The following AUTS2 variants were observed in gnomAD, a reference collection of about 807,000 sequenced individuals.
AUTS2 encodes the protein activator of transcription and developmental regulator AUTS2, also known as autism susceptibility gene 2 protein.
In AUTS2, 17 loss-of-function variants were observed where a neutral mutation model predicts 112.4. That is an observed-to-expected ratio of 0.15 (90% CI 0.10 to 0.23). AUTS2 has a LOEUF of 0.23. AUTS2 is among the 10% of genes least tolerant of loss of function. AUTS2 has a pLI of 1.00. For synonymous variants in AUTS2, 751 were observed against 702.7 expected (o/e 1.07, Z -1.09); for missense variants, 1,510 against 1,701.6 (o/e 0.89, Z 1.98).
chr7:70,219,686 C>T (rs966019150), intron 4 of AUTS2, among the ~76,000 whole-genome samples: 10 of 151,754 alleles, frequency 6.6e-5, no homozygotes, highest in Admixed American at 1.3e-4. Flanking sequence ...ATTCTCCTAC[C>T]GCAGCCTCTC....
At chr7:70,611,238 A>G (rs927813748) in intron 5 of AUTS2, among the ~76,000 whole-genome samples, 5 of 152,188 alleles carry the variant, frequency 3.3e-5, no homozygotes, top group Non-Finnish European at 4.4e-5. Flanking sequence ...TCCCTTCCCC[A>G]TTAGCCAGTG....
chr7:70,734,935 A>G (rs1398698445), intron 6 of AUTS2, among the ~76,000 whole-genome samples: 1 of 152,118 alleles, frequency 6.6e-6, no homozygotes, highest in Non-Finnish European at 1.5e-5. Flanking sequence ...AGGTTTGGGT[A>G]CTTTTAGGTA....
chr7:69,981,299 T>C (rs1342099531), intron 2 of AUTS2, among the ~76,000 whole-genome samples: 1 of 152,202 alleles, frequency 6.6e-6, no homozygotes, highest in Admixed American at 6.5e-5. Context: ...ATCTAGCTGG[T>C]CAGTTGGGGT....
At chr7:70,112,692 T>C (rs1435169247) in intron 2 of AUTS2, among the ~76,000 whole-genome samples, 1 of 152,044 alleles carries the variant, frequency 6.6e-6, no homozygotes, top group East Asian at 1.9e-4. Context: ...TTTACCTATT[T>C]ATTTCTAACC....
At chr7:69,640,476 T>C (rs1454834333) in intron 1 of AUTS2, among the ~76,000 whole-genome samples, 2 of 152,194 alleles carry the variant, frequency 1.3e-5, no homozygotes, top group African/African-American at 2.4e-5. Flanking sequence ...CCCACTGAGA[T>C]TTATTGGTTT....
chr7:70,776,039 T>C (rs1453753293), intron 13 of AUTS2, among the ~76,000 whole-genome samples: 1 of 152,184 alleles, frequency 6.6e-6, no homozygotes, highest in East Asian at 1.9e-4. Context: ...ATTTGATTTC[T>C]CCAGGGGAAA....
At chr7:69,757,964 C>T (rs1452973363) in intron 1 of AUTS2, among the ~76,000 whole-genome samples, 1 of 152,212 alleles carries the variant, frequency 6.6e-6, no homozygotes, top group Non-Finnish European at 1.5e-5. Flanking sequence ...ACTAAATAAA[C>T]AGCAGTGAGA....
intron 4 of AUTS2, among the ~76,000 whole-genome samples, chr7:70,319,468 T>A (rs1269720758): frequency 6.6e-6 from 1 of 152,228 alleles, no homozygotes; most frequent in Non-Finnish European, 1.5e-5. Flanking sequence ...GTGAGATTTT[T>A]AAAAATAAAT....
At chr7:70,310,797 G>C (rs1323489644) in intron 4 of AUTS2, among the ~76,000 whole-genome samples, 1 of 152,066 alleles carries the variant, frequency 6.6e-6, no homozygotes, top group Non-Finnish European at 1.5e-5. Flanking sequence ...TGATGAATTG[G>C]CTCCTGGCTC....
chr7:70,484,804 G>A (rs1585200484), intron 5 of AUTS2, among the ~76,000 whole-genome samples: 1 of 152,118 alleles, frequency 6.6e-6, no homozygotes, highest in Non-Finnish European at 1.5e-5. Flanking sequence ...TTTATCAAAC[G>A]TTTGTCAAAA....
intron 5 of AUTS2, among the ~76,000 whole-genome samples, chr7:70,521,878 C>G (rs1254691778): frequency 4.6e-5 from 7 of 152,142 alleles, no homozygotes; most frequent in Non-Finnish European, 1.0e-4. Context: ...CTGCCTTTGC[C>G]TCTCAGAGCC....
intron 4 of AUTS2, among the ~76,000 whole-genome samples, chr7:70,165,572 G>A (rs908768110): frequency 3.3e-5 from 5 of 152,056 alleles, no homozygotes; most frequent in Non-Finnish European, 5.9e-5. Flanking sequence ...ATTGCAAAAC[G>A]GAAAGTAAAT....
chr7:69,799,208 C>T (rs1448463748), intron 1 of AUTS2, among the ~76,000 whole-genome samples: 1 of 152,048 alleles, frequency 6.6e-6, no homozygotes, highest in Admixed American at 6.5e-5. Flanking sequence ...TCCTGTGGCA[C>T]TTATTAAAAA....
At chr7:69,954,432 C>T (rs1797140364) in intron 2 of AUTS2, among the ~76,000 whole-genome samples, 1 of 152,140 alleles carries the variant, frequency 6.6e-6, no homozygotes, top group African/African-American at 2.4e-5. Flanking sequence ...CAGGTATATA[C>T]CGCCATGCCT....
intron 2 of AUTS2, among the ~76,000 whole-genome samples, chr7:70,008,531 C>T (rs1799649027): frequency 6.6e-6 from 1 of 152,122 alleles, no homozygotes; most frequent in African/African-American, 2.4e-5. Flanking sequence ...TGCCTACAGA[C>T]ATTTTATGGA....
At chr7:69,916,577 G>A (rs903571232) in intron 2 of AUTS2, among the ~76,000 whole-genome samples, 1 of 151,956 alleles carries the variant, frequency 6.6e-6, no homozygotes, top group African/African-American at 2.4e-5. Context: ...ATCTATAATG[G>A]TGGTCCCCAA....
At chr7:70,689,701 G>A (rs754597268) in intron 5 of AUTS2, among the ~76,000 whole-genome samples, 2 of 150,440 alleles carry the variant, frequency 1.3e-5, no homozygotes, top group Non-Finnish European at 3.0e-5. Context: ...GTGTGAACCC[G>A]GGAGGCGGGG....
chr7:70,323,048 G>T (rs2129618000), intron 4 of AUTS2, among the ~76,000 whole-genome samples: 1 of 152,334 alleles, frequency 6.6e-6, no homozygotes, highest in South Asian at 2.1e-4. Flanking sequence ...TCTGAAACTG[G>T]AGCTGGAGTT....
chr7:69,614,227 C>A (rs1400056975), intron 1 of AUTS2, among the ~76,000 whole-genome samples: 1 of 151,538 alleles, frequency 6.6e-6, no homozygotes, highest in East Asian at 1.9e-4. Flanking sequence ...CACAGAATAC[C>A]CTCACTGGGC....
Sources: allele counts gnomAD v4.1 joint callset (sites outside exome capture counted in the v4.1 genomes callset), GRCh38; gene constraint gnomAD v4.1.1; transcripts MANE v1.5; gene names NCBI Gene and HGNC (gene_info 2026-07-23, HGNC 2026-07-21).